The following CPLANE1 variants were observed in gnomAD, a reference collection of about 807,000 sequenced individuals.
CPLANE1 encodes ciliogenesis and planar polarity effector 1.
Under a neutral mutation model 362.5 loss-of-function variants are expected in CPLANE1, and 263 were observed. The ratio of observed to expected loss-of-function variants is 0.73; its 90% CI spans 0.66 to 0.80. The LOEUF (loss-of-function observed/expected upper bound fraction) is 0.80, where lower values mean the gene tolerates loss of function less well. Among genes scored for constraint, CPLANE1 ranks in the 30% least tolerant of loss-of-function variants. CPLANE1 has a pLI of 0.00. For synonymous variants in CPLANE1, 1,212 were observed against 1,302.6 expected (o/e 0.93, Z 1.50); for missense variants, 3,461 against 3,793.4 (o/e 0.91, Z 2.30).
chr5:37,213,381 G>T (rs1435143121), intron 16 of CPLANE1, among the ~76,000 whole-genome samples, 178 bp downstream of exon 16: 1 of 152,094 alleles, frequency 6.6e-6, no homozygotes, highest in African/African-American at 2.4e-5. Flanking sequence ...CAGTAAAAAC[G>T]AATCTAAGCC....
In CPLANE1 at chr5:37,182,896, G is replaced by A. The variant is rs1342293975; in HGVS notation, c.5285C>T (p.Ser1762Phe). The stretch of plus-strand genomic sequence containing the variant: ...CTCAGAGGATGACTCAGTTATACCA[G>A]AATCACAGAGTAGCCTTCTATTAGA... ...RWSNRRLLCD[S>F]GITESSSEYS... The change falls in exon 26 of 53, where the codon TCT becomes TTT. Residue 1762 changes from serine to phenylalanine, a missense_variant. By Grantham distance (155) the Ser-to-Phe change is radical (BLOSUM62 -2). This residue lies in a region of CPLANE1 where 3,380 missense variants were observed against 3,666.1 expected (regional missense o/e 0.92). Coordinates refer to ENST00000651892, the MANE Select transcript of CPLANE1 (RefSeq NM_001384732.1). The A allele has an allele frequency of 6.2e-7, 1 of 1,607,526 alleles. No individual in the cohort carries two copies. Among genetic ancestry groups the A allele is most frequent in the South Asian group, 1.1e-5 (1 of 89,390 alleles).
the CPLANE1 span, among the ~76,000 whole-genome samples, chr5:37,089,486 G>A: frequency 6.6e-6 from 1 of 152,018 alleles, no homozygotes; most frequent in African/African-American, 2.4e-5. Flanking sequence ...AATTACAGAG[G>A]GCCCATGAAT....
intron 5 of CPLANE1, among the ~76,000 whole-genome samples, chr5:37,243,895 G>C (rs1738584583): frequency 6.7e-6 from 1 of 149,486 alleles, no homozygotes; most frequent in South Asian, 2.1e-4. Context: ...TCGTTGCCCA[G>C]GCTGGAGTGT....
intron 44 of CPLANE1, chr5:37,141,549 TTTTA>T (rs1769717239): frequency 4.1e-6 from 4 of 976,958 alleles, no homozygotes; most frequent in Non-Finnish European, 4.9e-6. Flanking sequence ...ATAGGTTTTC[TTTTA>T]TTTAAGTAAC....
intron 16 of CPLANE1, chr5:37,212,495 CAAAAA>C: frequency 1.4e-5 from 6 of 427,806 alleles, no homozygotes; most frequent in South Asian, 2.5e-5. Flanking sequence ...ATGTGTAATC[CAAAAA>C]AAAAAAAAAG....
intron 1 of CPLANE1, among the ~76,000 whole-genome samples, chr5:37,248,168 C>T (rs370800315): frequency 6.6e-6 from 1 of 151,826 alleles, no homozygotes; most frequent in Non-Finnish European, 1.5e-5. Flanking sequence ...GCTCTTGTAG[C>T]CCAGGCTGCA....
intron 43 of CPLANE1, among the ~76,000 whole-genome samples, chr5:37,144,626 C>T (rs533932396): frequency 8.6e-5 from 13 of 151,484 alleles, no homozygotes; most frequent in East Asian, 5.9e-4. Context: ...CCGAGGCAGG[C>T]GGATCACGAG....
At chr5:37,078,371 A>G in the CPLANE1 span, among the ~76,000 whole-genome samples, 1 of 152,180 alleles carries the variant, frequency 6.6e-6, no homozygotes, top group Non-Finnish European at 1.5e-5. Flanking sequence ...GCAAATGACA[A>G]GATCTTGTTC....
At chr5:37,179,481 T>A in intron 28 of CPLANE1, 38 bp from the exon 29 acceptor site, 1 of 1,419,736 alleles carries the variant, frequency 7.0e-7, no homozygotes, top group Non-Finnish European at 9.8e-7. Context: ...ACTGATCATT[T>A]AAAAAATAAG....
chr5:37,196,333 G>A (rs1185573451), intron 20 of CPLANE1, among the ~76,000 whole-genome samples: 1 of 152,106 alleles, frequency 6.6e-6, no homozygotes, highest in African/African-American at 2.4e-5. Flanking sequence ...CCCAAATAAA[G>A]CTGTGTACAG....
chr5:37,206,221 C>A lies in CPLANE1; in HGVS notation c.3125G>T (p.Cys1042Phe). Residue 1042 changes from cysteine to phenylalanine, a missense_variant, in exon 17 of 53, where the codon TGT (cysteine) becomes TTT (phenylalanine). Physicochemically the swap from Cys to Phe is radical, Grantham distance 205. Coordinates refer to ENST00000651892, the MANE Select transcript of CPLANE1 (RefSeq NM_001384732.1). ...VSIGVAFQLF[C>F]KRDSNFMRSK... Reference sequence around the variant, plus strand: ...CCTCATGAAATTGCTATCACGTTTACAGAACAGCTGGAAAGCCACACCAAT... The same window carrying A: ...CCTCATGAAATTGCTATCACGTTTAAAGAACAGCTGGAAAGCCACACCAAT... The A allele has an allele frequency of 6.4e-7, 1 of 1,551,706 alleles. No homozygotes were observed. The highest frequency in any genetic ancestry group is 8.7e-7 in the Non-Finnish European group (1 of 1,146,852).
chr5:37,082,846 C>G, the CPLANE1 span, among the ~76,000 whole-genome samples: 1 of 150,504 alleles, frequency 6.6e-6, no homozygotes. Flanking sequence ...TAAAAAGAAA[C>G]AAAGGGTGGA....
At chr5:37,078,372 G>C in the CPLANE1 span, among the ~76,000 whole-genome samples, 1 of 152,182 alleles carries the variant, frequency 6.6e-6, no homozygotes, top group Non-Finnish European at 1.5e-5. Flanking sequence ...CAAATGACAA[G>C]ATCTTGTTCT....
chr5:37,183,438 A>G lies in CPLANE1; in HGVS notation c.4743T>C (p.Ser1581=). ...DADIPFLTSF[S]GKLREHELNS... ...TAAGTTCATGTTCTCTAAGCTTTCC[A>G]GAAAAACTAGTTAGAAATGGAATGT... The change falls in exon 26 of 53, where the codon TCT becomes TCC. Residue 1581 remains serine, a synonymous_variant. Coordinates refer to ENST00000651892, the MANE Select transcript of CPLANE1 (RefSeq NM_001384732.1). 6 of 1,613,842 alleles carry G rather than the reference A, an allele frequency of 3.7e-6. No homozygotes were observed. Among genetic ancestry groups the G allele is most frequent in the Non-Finnish European group, 5.1e-6 (6 of 1,179,846 alleles).
chr5:37,121,243 G>C (rs1166192706), intron 49 of CPLANE1, among the ~76,000 whole-genome samples: 1 of 152,144 alleles, frequency 6.6e-6, no homozygotes, highest in Non-Finnish European at 1.5e-5. Flanking sequence ...TAAGCAGCTG[G>C]GGACTGGCTG....
chr5:37,241,897 T>C (rs541733163), intron 6 of CPLANE1, among the ~76,000 whole-genome samples: 3 of 152,106 alleles, frequency 2.0e-5, no homozygotes, highest in Non-Finnish European at 2.9e-5. Flanking sequence ...CCCAGAGTGC[T>C]GGGATTACAG....
intron 52 of CPLANE1, 44 bp downstream of exon 52, chr5:37,108,249 C>A (rs1437519086): frequency 6.5e-7 from 1 of 1,538,624 alleles, no homozygotes; most frequent in Non-Finnish European, 8.9e-7. Flanking sequence ...ACCTGAAGAA[C>A]ATAGAGCAAT....
At chr5:37,114,914 A>G (rs778680691) in intron 51 of CPLANE1, 46 bp downstream of exon 51, 1 of 1,191,638 alleles carries the variant, frequency 8.4e-7, no homozygotes, top group Non-Finnish European at 1.2e-6. Flanking sequence ...AAAAAAAAAG[A>G]AAATTCAGTA....
rs190655929 is a variant in CPLANE1 at position 37,128,076 on chromosome 5, C to T, written c.8793-2667G>A. 6.5e-3 allele frequency among the ~76,000 whole-genome samples: 994 copies of T among 152,180 alleles called. 8 individuals are homozygous for T. The highest frequency in any genetic ancestry group is 0.023 in the African/African-American group (935 of 41,524). ...AAACAAACAAAAGATATATTATGTC[C>T]TTCTCAGGGAAGGAAGCAAAATTAA... On this transcript the variant is annotated intron_variant, in intron 46 of 52. Coordinates refer to ENST00000651892, the MANE Select transcript of CPLANE1 (RefSeq NM_001384732.1).
Sources: gnomAD v4.1 joint callset for allele counts (sites outside exome capture counted in the v4.1 genomes callset) on GRCh38, gnomAD v4.1.1 for gene constraint, gnomAD v4.1.1 regional missense constraint, MANE v1.5 for transcripts, NCBI Gene and HGNC (gene_info 2026-07-23, HGNC 2026-07-21) for gene names.